The following PCDHGA6 variants were observed in gnomAD, a reference collection of about 807,000 sequenced individuals.
PCDHGA6 encodes the protein protocadherin gamma-A6.
In PCDHGA6, 41 loss-of-function variants were observed where a neutral mutation model predicts 60.6. The observed-to-expected ratio is 0.68, with a 90% CI of 0.53 to 0.88. PCDHGA6 has a LOEUF of 0.88. PCDHGA6 is among the 40% of genes least tolerant of loss of function. The pLI is 0.00. For synonymous variants in PCDHGA6, 594 were observed against 524.4 expected, an observed-to-expected ratio of 1.13 and a Z score of -1.81; for missense variants, 1,312 against 1,203.0, an observed-to-expected ratio of 1.09 and a Z score of -1.34.
At chr5:141,394,203 A>G (rs1380354099) in intron 1 of PCDHGA6, 1 of 1,613,814 alleles carries the variant, frequency 6.2e-7, no homozygotes, top group Non-Finnish European at 8.5e-7. Context: ...TATCCTAGAG[A>G]ACAACCTGAG....
intron 1 of PCDHGA6, chr5:141,390,367 T>C (rs2092130153): frequency 6.6e-7 from 1 of 1,518,766 alleles, no homozygotes; most frequent in African/African-American, 1.4e-5. Flanking sequence ...TGCAGGAAAA[T>C]ATATAATTTT....
intron 1 of PCDHGA6, chr5:141,404,230 C>T: frequency 6.2e-7 from 1 of 1,613,836 alleles, no homozygotes; most frequent in Non-Finnish European, 8.5e-7. Context: ...CTGCAACAGA[C>T]AGAGGAACTC....
chr5:141,374,162 G>A lies in PCDHGA6; in HGVS notation c.79G>A (p.Ala27Thr). 3 of 1,612,514 alleles carry A rather than the reference G, an allele frequency of 1.9e-6. No homozygotes were observed. Among genetic ancestry groups the A allele is most frequent in the Admixed American group, 1.7e-5 (1 of 59,952 alleles). The change falls in exon 1 of 4, where the codon GCG becomes ACG. Residue 27 changes from alanine (A) to threonine (T), a missense_variant. Ala to Thr is a moderately conservative substitution (Grantham distance 58). Transcript: ENST00000517434. ...GCTCCTGGGGACGCTGTGGGGGGCC[G>A]CGGCAGCGCAGATCCGCTACTCTAT... The part of the protein sequence containing the change: ...LTLLGTLWGA[A>T]AAQIRYSIPE...
chr5:141,390,388 G>C, intron 1 of PCDHGA6: 1 of 1,423,474 alleles, frequency 7.0e-7, no homozygotes, highest in Admixed American at 2.1e-5. Context: ...TAGATGTCAT[G>C]GATCATTTTA....
intron 1 of PCDHGA6, among the ~76,000 whole-genome samples, chr5:141,448,043 G>A (rs1000669754): frequency 3.3e-5 from 5 of 151,870 alleles, no homozygotes; most frequent in African/African-American, 1.2e-4. Context: ...CCAAGATCAT[G>A]CCATTGCTCT....
chr5:141,500,571 C>T (rs1171231755), intron 2 of PCDHGA6, among the ~76,000 whole-genome samples: 1 of 152,196 alleles, frequency 6.6e-6, no homozygotes, highest in African/African-American at 2.4e-5. Context: ...GTCACACTTT[C>T]ATGTGACACT....
Position 141,375,886 on chromosome 5 carries a change from C to A in PCDHGA6, c.1803C>A (p.Asn601Lys). 2 of 1,613,822 alleles carry A rather than the reference C, an allele frequency of 1.2e-6. No individual in the cohort carries two copies. Among genetic ancestry groups the A allele is most frequent in the South Asian group, 2.2e-5 (2 of 91,076 alleles). Residue 601 changes from asparagine (N) to lysine (K), a missense_variant, in exon 1 of 4, where the codon AAC (asparagine) becomes AAA (lysine). Transcript: ENST00000517434. ...VVAVDRDSGQ[N>K]AWLSYRLLKA... ...CGGTGGACAGAGACTCGGGCCAGAACGCCTGGCTGTCCTACCGCCTGCTCA... is the reference window on the plus strand; with the variant it reads ...CGGTGGACAGAGACTCGGGCCAGAAAGCCTGGCTGTCCTACCGCCTGCTCA...
At chr5:141,405,397 T>A (rs1383127737) in intron 1 of PCDHGA6, 3 of 1,591,464 alleles carry the variant, frequency 1.9e-6, no homozygotes, top group Admixed American at 1.8e-5. Context: ...TTTTTTTCTT[T>A]CTTTCTTTTC....
intron 1 of PCDHGA6, among the ~76,000 whole-genome samples, chr5:141,464,630 T>C (rs981288560): frequency 1.3e-5 from 2 of 152,176 alleles, no homozygotes; most frequent in African/African-American, 4.8e-5. Context: ...AGCTTTTTAA[T>C]TGTTGCCAAC....
intron 1 of PCDHGA6, chr5:141,388,233 T>C (rs924261107): frequency 1.2e-6 from 2 of 1,608,114 alleles, no homozygotes; most frequent in South Asian, 1.1e-5. Flanking sequence ...ACTGAACTTT[T>C]ATCACGTGAA....
rs746903142 is a variant in PCDHGA6, at chr5:141,491,667, G to T, written c.2425-3140G>T. ...TGGCGCTGGAGCCTGACGCCATCCG[G>T]TCCCGCTCTAATACGCTGCGGGAGC... On this transcript the variant is annotated intron_variant, in intron 1 of 3. Coordinates refer to ENST00000517434, the MANE Select transcript of PCDHGA6 (RefSeq NM_018919.3). The surrounding 1 kb of genome is among the most constrained non-coding windows in gnomAD (Gnocchi z 6.9). 1.9e-6 allele frequency: 3 copies of T among 1,613,794 alleles called. No individual in the cohort carries two copies. Among genetic ancestry groups the T allele is most frequent in the Admixed American group, 1.7e-5 (1 of 60,032 alleles).
At position 141,491,546 on chromosome 5, in the gene PCDHGA6, C is replaced by T; in HGVS notation, c.2425-3261C>T. ...GAGGTGACGCTGCGGCCCACAGACT[C>T]GCAGAGCCACTGCTACAGGACGTGC... On this transcript the variant is annotated intron_variant, in intron 1 of 3. Transcript: ENST00000517434. This position sits in a 1 kb window ranked among gnomAD's most constrained non-coding sequence, Gnocchi z 6.9. 1.9e-6 allele frequency: 3 copies of T among 1,614,038 alleles called. No homozygotes were observed. Among genetic ancestry groups the T allele is most frequent in the Non-Finnish European group, 2.5e-6 (3 of 1,180,024 alleles).
Position 141,476,993 on chromosome 5 carries a change from C to A in PCDHGA6, c.2425-17814C>A. 6.2e-7 allele frequency: 1 copy of A among 1,614,244 alleles called. No individual in the cohort carries two copies. Among genetic ancestry groups the A allele is most frequent in the South Asian group, 1.1e-5 (1 of 91,086 alleles). Reference sequence around the variant, plus strand: ...CAGCCACAACCGCGCCGGCGTGCGGCAACTATTCGCCTTAGACCTTGTAAC... The same window carrying A: ...CAGCCACAACCGCGCCGGCGTGCGGAAACTATTCGCCTTAGACCTTGTAAC... On this transcript the variant is annotated intron_variant, in intron 1 of 3. Coordinates refer to ENST00000517434, the MANE Select transcript of PCDHGA6 (RefSeq NM_018919.3). This position sits in a 1 kb window ranked among gnomAD's most constrained non-coding sequence, Gnocchi z 7.6.
rs758382127 is a variant in PCDHGA6, at chr5:141,375,317, C to A, written c.1234C>A (p.Arg412=). 6.2e-6 allele frequency: 10 copies of A among 1,613,790 alleles called. No individual in the cohort carries two copies. Among genetic ancestry groups the A allele is most frequent in the South Asian group, 2.2e-5 (2 of 91,082 alleles). ...YRLVTNAALD[R]EEVFLYNITV... ...ATTAGTGACAAATGCAGCTCTAGAC[C>A]GGGAAGAGGTATTCTTGTACAACAT... Residue 412 remains arginine (R), a synonymous_variant, in exon 1 of 4, where the codon CGG becomes AGG. Transcript: ENST00000517434.
chr5:141,375,963 G>T lies in PCDHGA6; in HGVS notation c.1880G>T (p.Arg627Leu), dbSNP rs371650654. 16 of 1,613,262 alleles carry T rather than the reference G, an allele frequency of 9.9e-6. No homozygotes were observed. Among genetic ancestry groups the T allele is most frequent in the African/African-American group, 1.3e-5 (1 of 74,938 alleles). ...FSVGLHTGEV[R>L]TARALLDRDA... ...GTGGGCCTGCACACGGGCGAGGTGC[G>T]CACGGCGCGCGCCCTGCTGGACAGA... The change falls in exon 1 of 4, where the codon CGC becomes CTC. Residue 627 changes from arginine (R) to leucine (L), a missense_variant. Arg to Leu is a moderately radical substitution (Grantham distance 102). Coordinates refer to ENST00000517434, the MANE Select transcript of PCDHGA6 (RefSeq NM_018919.3).
rs2099687792 is a variant in PCDHGA6, at chr5:141,489,485, G to GT, written c.2425-5321dup. Reference sequence around the variant, plus strand: ...TATTTTTCCCTGAGCTTGATGAGTGGTGCCCTGGCAGTGAATCAAAAGATT... The same window carrying GT: ...TATTTTTCCCTGAGCTTGATGAGTGGTTGCCCTGGCAGTGAATCAAAAGATT... On this transcript the variant is annotated intron_variant, in intron 1 of 3. Coordinates refer to ENST00000517434, the MANE Select transcript of PCDHGA6 (RefSeq NM_018919.3). This position sits in a 1 kb window ranked among gnomAD's most constrained non-coding sequence, Gnocchi z 4.5. The GT allele has an allele frequency of 6.2e-7, 1 of 1,614,088 alleles. No individual in the cohort carries two copies. The highest frequency in any genetic ancestry group is 2.2e-5 in the East Asian group (1 of 44,868).
intron 1 of PCDHGA6, among the ~76,000 whole-genome samples, chr5:141,465,538 A>AT (rs2099105284): frequency 6.6e-6 from 1 of 152,112 alleles, no homozygotes; most frequent in Non-Finnish European, 1.5e-5. Context: ...TTTCCCAGGC[A>AT]TTTTTTCTGC....
chr5:141,510,272 TAAA>T (rs546154379), intron 3 of PCDHGA6, among the ~76,000 whole-genome samples: 2 of 130,370 alleles, frequency 1.5e-5, no homozygotes, highest in Non-Finnish European at 3.3e-5. Context: ...GACTCCATCT[TAAA>T]AAAAAAAAAA....
At chr5:141,447,549 A>T (rs1387130901) in intron 1 of PCDHGA6, among the ~76,000 whole-genome samples, 1 of 152,216 alleles carries the variant, frequency 6.6e-6, no homozygotes, top group Non-Finnish European at 1.5e-5. Context: ...TAATGTTATG[A>T]GTACACTTGG....
Sources: gnomAD v4.1 joint callset for allele counts (sites outside exome capture counted in the v4.1 genomes callset) on GRCh38, gnomAD v4.1.1 for gene constraint, Gnocchi (gnomAD v3.1) non-coding constraint, MANE v1.5 for transcripts, NCBI Gene and HGNC (gene_info 2026-07-23, HGNC 2026-07-21) for gene names.